The following PHF21A variants were observed in gnomAD, a reference collection of about 807,000 sequenced individuals.
PHF21A encodes the protein PHD finger protein 21A, also known as BHC80a.
A neutral mutation model predicts 82.5 loss-of-function variants in PHF21A; 11 were observed. That is an observed-to-expected ratio of 0.13 (90% CI 0.08 to 0.22). The LOEUF (loss-of-function observed/expected upper bound fraction) is 0.22. Among genes scored for constraint, PHF21A ranks in the 10% least tolerant of loss-of-function variants. The pLI, the probability that PHF21A is intolerant of heterozygous loss-of-function variation, is 1.00. For synonymous variants in PHF21A, 297 were observed against 302.8 expected (o/e 0.98, Z 0.20); for missense variants, 579 against 837.8 (o/e 0.69, Z 3.81).
At chr11:45,958,994 A>G (rs903442522) in intron 10 of PHF21A, among the ~76,000 whole-genome samples, 4 of 152,222 alleles carry the variant, frequency 2.6e-5, no homozygotes, top group Admixed American at 1.3e-4. Flanking sequence ...ACCCTCAACA[A>G]CAACAAAAAT....
chr11:46,017,226 C>T lies in PHF21A; in HGVS notation c.154-37260G>A, dbSNP rs2095535133. On this transcript the variant is annotated intron_variant, in intron 6 of 18. Transcript: ENST00000676320. The stretch of plus-strand genomic sequence containing the variant: ...CCTCAGGTGATCCGCTCGCCTCAGC[C>T]TCCCAGAGTGCTGGGATTACAGGCG... 2.0e-5 allele frequency among the ~76,000 whole-genome samples: 3 copies of T among 152,226 alleles called. 1 individual carries two copies. The South Asian group carries it at 6.2e-4, about 32-fold the overall frequency.
chr11:46,074,348 T>A (rs1436111296), intron 6 of PHF21A, among the ~76,000 whole-genome samples: 2 of 152,114 alleles, frequency 1.3e-5, no homozygotes, highest in Non-Finnish European at 2.9e-5. Flanking sequence ...TAACAAAAAA[T>A]TAATGTTAAC....
In PHF21A at chr11:45,961,017, A is replaced by G. The variant is rs145255856; in HGVS notation, c.996+4298T>C. 3.9e-5 allele frequency among the ~76,000 whole-genome samples: 6 copies of G among 152,276 alleles called. No homozygotes were observed. In the East Asian group the frequency reaches 1.2e-3, roughly 29 times the overall value. On this transcript the variant is annotated intron_variant, in intron 10 of 18. Coordinates refer to ENST00000676320, the MANE Select transcript of PHF21A (RefSeq NM_001352027.3). ...CAGTTTCTTCCATTTTCTATTGTCA[A>G]TTATTATCATGCTTGTCTTACTTAT...
At chr11:46,055,941 G>A (rs961583366) in intron 6 of PHF21A, among the ~76,000 whole-genome samples, 1 of 152,130 alleles carries the variant, frequency 6.6e-6, no homozygotes, top group African/African-American at 2.4e-5. Flanking sequence ...GAGGACACTG[G>A]TGACAAAGAA....
At chr11:45,968,853 C>T (rs2093597942) in intron 9 of PHF21A, among the ~76,000 whole-genome samples, 1 of 150,656 alleles carries the variant, frequency 6.6e-6, no homozygotes, top group African/African-American at 2.4e-5. Flanking sequence ...ATCGCTTGAA[C>T]CTGGTGGGTG....
rs555996158 is a variant in PHF21A at position 45,939,170 on chromosome 11, T to C, written c.1453-858A>G. ...TCTTAAAGTTTACAGGAGAGGTCTATAGTCGCCAAGGCCAAAATTAACATT... is the reference window on the plus strand; with the variant it reads ...TCTTAAAGTTTACAGGAGAGGTCTACAGTCGCCAAGGCCAAAATTAACATT... On this transcript the variant is annotated intron_variant, in intron 15 of 18. Coordinates refer to ENST00000676320, the MANE Select transcript of PHF21A (RefSeq NM_001352027.3). Among the ~76,000 whole-genome samples, 16 of 152,326 alleles carry C rather than the reference T, an allele frequency of 1.1e-4. No homozygotes were observed. In the South Asian group the frequency reaches 1.2e-3, roughly 12 times the overall value.
At chr11:46,097,444 C>T (rs1406325147) in intron 1 of PHF21A, among the ~76,000 whole-genome samples, 1 of 152,182 alleles carries the variant, frequency 6.6e-6, no homozygotes, top group African/African-American at 2.4e-5. Context: ...GGCTCTGGAA[C>T]ACTCTTTTCC....
chr11:45,995,761 T>C (rs1314754709), intron 6 of PHF21A, among the ~76,000 whole-genome samples: 1 of 152,150 alleles, frequency 6.6e-6, no homozygotes, highest in Non-Finnish European at 1.5e-5. Flanking sequence ...TTGGCACACA[T>C]ATTCAGCTCA....
At chr11:46,100,823 A>C (rs2097085695) in intron 1 of PHF21A, among the ~76,000 whole-genome samples, 1 of 152,228 alleles carries the variant, frequency 6.6e-6, no homozygotes, top group African/African-American at 2.4e-5. Flanking sequence ...ACATATGTAC[A>C]ACTTACAGTG....
At chr11:46,040,684 A>G (rs1212068597) in intron 6 of PHF21A, among the ~76,000 whole-genome samples, 1 of 152,160 alleles carries the variant, frequency 6.6e-6, no homozygotes, top group Non-Finnish European at 1.5e-5. Flanking sequence ...TCTATCCTGA[A>G]GCAGCTTACA....
intron 6 of PHF21A, among the ~76,000 whole-genome samples, chr11:46,032,046 A>C (rs577458526): frequency 6.6e-6 from 1 of 152,308 alleles, no homozygotes; most frequent in East Asian, 1.9e-4. Context: ...CCAACTCTTA[A>C]GTGCTGCTTT....
At chr11:45,987,799 C>T (rs186933905) in intron 6 of PHF21A, among the ~76,000 whole-genome samples, 24 of 150,414 alleles carry the variant, frequency 1.6e-4, no homozygotes, top group African/African-American at 5.8e-4. Flanking sequence ...TGTCTGTTTA[C>T]AGAACACCGC....
intron 3 of PHF21A, among the ~76,000 whole-genome samples, chr11:46,087,765 T>C (rs1565926075): frequency 6.6e-6 from 1 of 152,014 alleles, no homozygotes; most frequent in Non-Finnish European, 1.5e-5. Context: ...TTGAAAAAAT[T>C]TTTTTCCTGA....
At chr11:46,054,575 G>A (rs898420667) in intron 6 of PHF21A, among the ~76,000 whole-genome samples, 2 of 152,170 alleles carry the variant, frequency 1.3e-5, no homozygotes, top group Non-Finnish European at 2.9e-5. Context: ...AGCTAGGGCT[G>A]AGAACCAGCA....
intron 10 of PHF21A, among the ~76,000 whole-genome samples, chr11:45,957,452 G>A (rs959091014): frequency 5.7e-4 from 86 of 151,896 alleles, no homozygotes; most frequent in African/African-American, 2.1e-3. Flanking sequence ...AGCCACAATG[G>A]AAAAAAACTA....
intron 6 of PHF21A, among the ~76,000 whole-genome samples, chr11:46,041,893 C>T (rs936657630): frequency 3.3e-5 from 5 of 152,080 alleles, no homozygotes; most frequent in Non-Finnish European, 5.9e-5. Flanking sequence ...ACAAAAGGAT[C>T]TTGTGTCTTA....
intron 15 of PHF21A, among the ~76,000 whole-genome samples, chr11:45,941,108 A>AT (rs1371077050): frequency 2.0e-5 from 3 of 151,668 alleles, no homozygotes; most frequent in Non-Finnish European, 2.9e-5. Flanking sequence ...TTAAAAAACA[A>AT]TTTTTTTTGA....
chr11:45,933,942 C>T lies in PHF21A; in HGVS notation c.*26G>A. On this transcript the variant is annotated 3_prime_UTR_variant, in exon 19 of 19. Transcript: ENST00000676320. ...TTCTGTTCTCCTTGCCGCCGGGATC[C>T]CGTGGCTTCTCCTAGAGGGGCTCTG... is the stretch of plus-strand genomic sequence containing the variant. 2 of 1,486,756 alleles carry T rather than the reference C, an allele frequency of 1.3e-6. No homozygotes were observed. Among genetic ancestry groups the T allele is most frequent in the Non-Finnish European group, 1.8e-6 (2 of 1,117,414 alleles). 92.1% of individuals were successfully genotyped at this position (1,486,756 alleles called of 1,614,324 possible).
chr11:45,950,351 C>T, intron 11 of PHF21A, 94 bp from the exon 12 acceptor site: 1 of 999,888 alleles, frequency 1.0e-6, no homozygotes, highest in South Asian at 1.4e-5. Flanking sequence ...AAAGCCAGCC[C>T]AATGGGCGGG....
Sources: allele counts gnomAD v4.1 joint callset (sites outside exome capture counted in the v4.1 genomes callset), GRCh38; gene constraint gnomAD v4.1.1; transcripts MANE v1.5; gene names NCBI Gene and HGNC (gene_info 2026-07-23, HGNC 2026-07-21).